ZMYND11: variants seen among roughly 807,000 people sequenced by gnomAD.
The protein encoded by ZMYND11 is zinc finger MYND-type containing 11.
ZMYND11 carries 9 observed loss-of-function variants against 84.9 expected under a neutral mutation model. That is an observed-to-expected ratio of 0.11 (90% confidence interval 0.06 to 0.18). The LOEUF is 0.18. Among genes scored for constraint, ZMYND11 ranks in the 10% least tolerant of loss-of-function variants. The pLI is 1.00. For missense variants in ZMYND11, 409 were observed against 761.0 expected (o/e 0.54, Z 5.44); for synonymous variants, 250 against 244.1 (o/e 1.02, Z -0.23).
At chr10:225,965 G>A (rs1169309373) in intron 4 of ZMYND11, among the ~76,000 whole-genome samples, 1 of 152,334 alleles carries the variant, frequency 6.6e-6, no homozygotes, top group Non-Finnish European at 1.5e-5. Context: ...CTGACCTTGT[G>A]TGTCTGTGGA....
chr10:139,440 G>A (rs1330201441), intron 1 of ZMYND11, among the ~76,000 whole-genome samples: 1 of 152,096 alleles, frequency 6.6e-6, no homozygotes, highest in Non-Finnish European at 1.5e-5. Context: ...TACTTGCAGT[G>A]CCATTATCAA....
At chr10:133,388 T>C (rs1043893911), upstream of ZMYND11, among the ~76,000 whole-genome samples, 22 of 152,282 alleles carry the variant, frequency 1.4e-4, no homozygotes, top group Middle Eastern at 3.4e-3. Flanking sequence ...ACCACCTTAC[T>C]TGGAAAATAG....
chr10:221,433 G>T, intron 4 of ZMYND11, 77 bp downstream of exon 4: 2 of 1,491,314 alleles, frequency 1.3e-6, no homozygotes, highest in Non-Finnish European at 1.8e-6. Flanking sequence ...GATATCCCAG[G>T]TGGTCTTGCC....
At chr10:205,509 G>A (rs1943963448) in intron 2 of ZMYND11, among the ~76,000 whole-genome samples, 2 of 151,884 alleles carry the variant, frequency 1.3e-5, no homozygotes, top group East Asian at 3.9e-4. Flanking sequence ...GGGCAACATA[G>A]TGAGACCCTG....
chr10:247,138 C>G lies in ZMYND11; in HGVS notation c.1158+165C>G, dbSNP rs191465757. 1.2e-4 allele frequency: 93 copies of G among 798,216 alleles called. No individual in the cohort carries two copies. The African/African-American group carries it at 1.4e-3, about 12-fold the overall frequency. 49.4% of individuals were successfully genotyped at this position (798,216 alleles called of 1,614,324 possible). A position where few individuals can be genotyped will look rare whatever the true frequency, so the allele number is the denominator to read the frequency against. Reference sequence around the variant, plus strand: ...AAACCAAAAGCAGTTCAAATGAATACATAGATGTAACAATCAATGACCTTG... The same window carrying G: ...AAACCAAAAGCAGTTCAAATGAATAGATAGATGTAACAATCAATGACCTTG... On this transcript the variant is annotated intron_variant, in intron 11 of 14. Coordinates refer to ENST00000381604, the MANE Select transcript of ZMYND11 (RefSeq NM_001370100.5).
chr10:131,956 T>C (rs1835320194), upstream of ZMYND11, among the ~76,000 whole-genome samples: 1 of 152,144 alleles, frequency 6.6e-6, no homozygotes, highest in African/African-American at 2.4e-5. Context: ...AAAAACATGA[T>C]TTTTAAAAGC....
At position 237,047 on chromosome 10, in the gene ZMYND11, A is replaced by G. The variant is rs566421234; in HGVS notation, c.516+132A>G. On this transcript the variant is annotated intron_variant, in intron 5 of 14. Coordinates refer to ENST00000381604, the MANE Select transcript of ZMYND11 (RefSeq NM_001370100.5). ...TATGAAGTGTGGAGAGCACCCCGTC[A>G]TGTCATATTTCTTTTTTGCAGTAAA... 53 of 780,244 alleles carry G rather than the reference A, an allele frequency of 6.8e-5. 1 individual carries two copies. The South Asian group carries it at 1.1e-3, about 16-fold the overall frequency. 48.3% of individuals were successfully genotyped at this position (780,244 alleles called of 1,614,324 possible).
In ZMYND11 at chr10:135,845, G is replaced by A. The variant is rs1835870638; in HGVS notation, c.-20+286G>A. ...GCGGCCGCGGAAGAGGCCCCGGGATGAGGCCCCGGAGGACCGCGCGGGGCC... is the reference window on the plus strand; with the variant it reads ...GCGGCCGCGGAAGAGGCCCCGGGATAAGGCCCCGGAGGACCGCGCGGGGCC... On this transcript the variant is annotated intron_variant, in intron 1 of 14. Transcript: ENST00000381604. This position sits in a 1 kb window ranked among gnomAD's most constrained non-coding sequence, Gnocchi z 5.6. Among the ~76,000 whole-genome samples, 2 of 150,606 alleles carry A rather than the reference G, an allele frequency of 1.3e-5. No individual in the cohort carries two copies.
Position 242,281 on chromosome 10 carries a change from C to T in ZMYND11, c.950+142C>T, listed in dbSNP as rs949848988. 32 of 1,307,914 alleles carry T rather than the reference C, an allele frequency of 2.4e-5. No homozygotes were observed. In the African/African-American group the frequency reaches 3.7e-4, roughly 15 times the overall value. The allele number at this position is 1,307,914 out of a possible 1,614,324, so 81.0% of individuals were successfully genotyped here. On this transcript the variant is annotated intron_variant, in intron 10 of 14. Transcript: ENST00000381604. ...ACATTATGCATCCAAGAATACGTTC[C>T]AAGATAAATTGTTTCCAGATATTTT...
intron 2 of ZMYND11, among the ~76,000 whole-genome samples, chr10:191,811 T>C (rs966569342): frequency 6.6e-6 from 1 of 152,232 alleles, no homozygotes; most frequent in Non-Finnish European, 1.5e-5. Flanking sequence ...GTGGTTGTTG[T>C]CTCAGCATCA....
At chr10:202,804 TAAG>T (rs1047621001) in intron 2 of ZMYND11, among the ~76,000 whole-genome samples, 1 of 152,110 alleles carries the variant, frequency 6.6e-6, no homozygotes, top group Non-Finnish European at 1.5e-5. Context: ...CACTTTAAAA[TAAG>T]AAAGTTGAGC....
intron 2 of ZMYND11, among the ~76,000 whole-genome samples, chr10:202,547 G>GT (rs1943401554): frequency 6.6e-6 from 1 of 151,860 alleles, no homozygotes; most frequent in South Asian, 2.1e-4. Context: ...AGAAAACAAA[G>GT]TTATTGACTC....
At chr10:176,703 C>A (rs1554767025) in intron 1 of ZMYND11, among the ~76,000 whole-genome samples, 1 of 151,922 alleles carries the variant, frequency 6.6e-6, no homozygotes, top group Non-Finnish European at 1.5e-5. Context: ...ATACAGAGGA[C>A]AATTGAGTTT....
intron 6 of ZMYND11, among the ~76,000 whole-genome samples, chr10:238,570 A>G (rs937516288): frequency 3.3e-5 from 5 of 152,108 alleles, no homozygotes; most frequent in East Asian, 1.9e-4. Flanking sequence ...TTTAGCCAGG[A>G]TGGTCTCGAT....
intron 14 of ZMYND11, among the ~76,000 whole-genome samples, chr10:251,562 A>T (rs905134999): frequency 6.6e-6 from 1 of 152,130 alleles, no homozygotes; most frequent in African/African-American, 2.4e-5. Flanking sequence ...CCTGTTGTCA[A>T]GTGTTTGTTT....
chr10:187,490 C>T (rs1022859880), intron 2 of ZMYND11, among the ~76,000 whole-genome samples: 12 of 151,726 alleles, frequency 7.9e-5, no homozygotes, highest in Non-Finnish European at 1.6e-4. Flanking sequence ...AAAAATTAGC[C>T]GGGCGCGGTG....
intron 2 of ZMYND11, among the ~76,000 whole-genome samples, chr10:208,742 A>G (rs1256211471): frequency 6.6e-6 from 1 of 152,178 alleles, no homozygotes; most frequent in African/African-American, 2.4e-5. Context: ...ACAGAACGTT[A>G]GCCCTGACAG....
chr10:209,839 T>G (rs1466198011), intron 2 of ZMYND11, 50 bp from the exon 3 acceptor site: 17 of 1,523,116 alleles, frequency 1.1e-5, no homozygotes, highest in Non-Finnish European at 1.5e-5. Flanking sequence ...CATTCATTTT[T>G]AGTTTTCAGT....
chr10:197,681 T>C (rs1234703934), intron 2 of ZMYND11, among the ~76,000 whole-genome samples: 4 of 152,196 alleles, frequency 2.6e-5, no homozygotes, highest in Non-Finnish European at 4.4e-5. Context: ...AAGAAATCTT[T>C]AGGGTTTTCA....
Sources: gnomAD v4.1 joint callset for allele counts (sites outside exome capture counted in the v4.1 genomes callset) on GRCh38, gnomAD v4.1.1 for gene constraint, Gnocchi (gnomAD v3.1) non-coding constraint, MANE v1.5 for transcripts, NCBI Gene and HGNC (gene_info 2026-07-23, HGNC 2026-07-21) for gene names.